The following AMOTL1 variants were observed in gnomAD, a reference collection of about 807,000 sequenced individuals.
AMOTL1 encodes angiomotin-like protein 1.
AMOTL1 carries 45 observed loss-of-function variants against 102.9 expected under a neutral mutation model. That is an observed-to-expected ratio of 0.44 (90% confidence interval 0.34 to 0.56). The LOEUF is 0.56. AMOTL1 is among the 20% of genes least tolerant of loss of function. The pLI is 0.01. For synonymous variants in AMOTL1, 481 were observed against 484.7 expected (o/e 0.99, Z 0.10); for missense variants, 1,114 against 1,225.6 (o/e 0.91, Z 1.36).
rs918540165 is a variant in AMOTL1 at position 94,821,455 on chromosome 11, C to T, written c.1122-75C>T. On this transcript the variant is annotated intron_variant, in intron 3 of 12. Transcript: ENST00000433060. ...CTGACCATGGAAGCCATCAACAGTG[C>T]CAGTATTGTTGGGGCTTCCTTCCTG... 6 of 1,461,744 alleles carry T rather than the reference C, an allele frequency of 4.1e-6. No homozygotes were observed. In the African/African-American group the frequency reaches 8.4e-5, roughly 20 times the overall value. The allele number at this position is 1,461,744 out of a possible 1,614,324, so 90.5% of individuals were successfully genotyped here.
chr11:94,809,515 C>T (rs568242494), intron 3 of AMOTL1, among the ~76,000 whole-genome samples: 25 of 152,312 alleles, frequency 1.6e-4, no homozygotes, highest in African/African-American at 4.1e-4. Flanking sequence ...ATTCCTCACA[C>T]GGGCTGTAGG....
At chr11:94,768,250 A>C, upstream of AMOTL1, 1 of 1,191,770 alleles carries the variant, frequency 8.4e-7, no homozygotes, top group Non-Finnish European at 1.0e-6. Context: ...TCTAGGGCCC[A>C]GCGGCCGGGC....
In AMOTL1 at chr11:94,870,963, A is replaced by G. The variant is rs1176914276; in HGVS notation, c.*168A>G. 2 of 526,758 alleles carry G rather than the reference A, an allele frequency of 3.8e-6. No homozygotes were observed. The highest frequency in any genetic ancestry group is 3.3e-5 in the Admixed American group (1 of 30,678). 32.6% of individuals were successfully genotyped at this position (526,758 alleles called of 1,614,324 possible). Reference sequence around the variant, plus strand: ...TATAAATGTTAAACACAAAAACTACATGACTGAAGATAGAAGAGAATGCGA... The same window carrying G: ...TATAAATGTTAAACACAAAAACTACGTGACTGAAGATAGAAGAGAATGCGA... On this transcript the variant is annotated 3_prime_UTR_variant, in exon 13 of 13. Coordinates refer to ENST00000433060, the MANE Select transcript of AMOTL1 (RefSeq NM_130847.3).
chr11:94,852,970 A>G (rs1436631982), intron 7 of AMOTL1, among the ~76,000 whole-genome samples: 1 of 152,218 alleles, frequency 6.6e-6, no homozygotes, highest in African/African-American at 2.4e-5. Flanking sequence ...TCATATAGAT[A>G]AGCATGCTTA....
At chr11:94,710,218 C>T (rs1271311118) in intron 1 of AMOTL1, among the ~76,000 whole-genome samples, 1 of 152,098 alleles carries the variant, frequency 6.6e-6, no homozygotes. Context: ...CAGGGAACTG[C>T]CCAGAGGTGC....
intron 9 of AMOTL1, 24 bp downstream of exon 9, chr11:94,859,739 G>A (rs745852728): frequency 1.9e-6 from 3 of 1,571,922 alleles, no homozygotes; most frequent in Admixed American, 1.8e-5. Context: ...AACTCTGGTG[G>A]TCATAAAAGC....
intron 3 of AMOTL1, among the ~76,000 whole-genome samples, chr11:94,815,245 G>A (rs1951745016): frequency 6.6e-6 from 1 of 152,084 alleles, no homozygotes; most frequent in South Asian, 2.1e-4. Context: ...TATAAATGTA[G>A]CACAAAAGAA....
Position 94,874,751 on chromosome 11 carries a change from A to G in AMOTL1, c.*3956A>G, listed in dbSNP as rs1392845551. ...ACCTGAGTCCCAGAGACTTAGGGAC[A>G]CAGACTTCAGGTGAGGCTGCGGACC... On this transcript the variant is annotated 3_prime_UTR_variant, in exon 13 of 13. Transcript: ENST00000433060. 1 of 152,232 alleles carries G rather than the reference A, an allele frequency of 6.6e-6. No homozygotes were observed. The highest frequency in any genetic ancestry group is 6.5e-5 in the Admixed American group (1 of 15,276). 9.4% of individuals were successfully genotyped at this position (152,232 alleles called of 1,614,324 possible). A position where few individuals can be genotyped will look rare whatever the true frequency, so the allele number is the denominator to read the frequency against.
chr11:94,778,323 G>T (rs981075066), intron 1 of AMOTL1, among the ~76,000 whole-genome samples: 1 of 152,130 alleles, frequency 6.6e-6, no homozygotes, highest in Non-Finnish European at 1.5e-5. Flanking sequence ...GCCTGATGGT[G>T]GGAAGAGGAC....
chr11:94,795,503 GT>G (rs1951350978), intron 2 of AMOTL1, among the ~76,000 whole-genome samples: 1 of 151,434 alleles, frequency 6.6e-6, no homozygotes, highest in Non-Finnish European at 1.5e-5. Flanking sequence ...CTCTGCTTTT[GT>G]TTTTATCTCT....
chr11:94,867,553 T>C (rs892058079), intron 11 of AMOTL1, among the ~76,000 whole-genome samples: 1 of 152,222 alleles, frequency 6.6e-6, no homozygotes, highest in African/African-American at 2.4e-5. Context: ...CTGTGTTCCC[T>C]GCACTGATAT....
chr11:94,805,681 C>T (rs932144305), intron 3 of AMOTL1, among the ~76,000 whole-genome samples: 3 of 152,228 alleles, frequency 2.0e-5, no homozygotes, highest in Non-Finnish European at 4.4e-5. Flanking sequence ...TTACTAGCTT[C>T]CGGGAAGTGG....
chr11:94,853,883 G>A (rs374432060), intron 7 of AMOTL1, 50 bp from the exon 8 acceptor site: 12 of 1,578,636 alleles, frequency 7.6e-6, no homozygotes, highest in Non-Finnish European at 1.0e-5. Context: ...CCCCAGCTTT[G>A]AGAATCAGTG....
At chr11:94,864,250 C>CAAT (rs143730804) in intron 9 of AMOTL1, among the ~76,000 whole-genome samples, 2,525 of 150,172 alleles carry the variant, frequency 0.017, 19 homozygotes, top group East Asian at 0.024. Flanking sequence ...CCAACAAATA[C>CAAT]AATAATAATA....
chr11:94,839,176 C>T (rs904172433), intron 6 of AMOTL1, among the ~76,000 whole-genome samples: 5 of 152,210 alleles, frequency 3.3e-5, no homozygotes, highest in Non-Finnish European at 5.9e-5. Context: ...CAAGTGTATC[C>T]TCAGGTGGAG....
At chr11:94,819,629 C>G (rs913726031) in intron 3 of AMOTL1, among the ~76,000 whole-genome samples, 1 of 152,152 alleles carries the variant, frequency 6.6e-6, no homozygotes, top group Non-Finnish European at 1.5e-5. Context: ...CAGACCAAAC[C>G]AATGTTCATC....
At position 94,768,483 on chromosome 11, in the gene AMOTL1, C is replaced by T. The variant is rs773381539; in HGVS notation, c.-29C>T. On this transcript the variant is annotated 5_prime_UTR_variant, in exon 1 of 13. Coordinates refer to ENST00000433060, the MANE Select transcript of AMOTL1 (RefSeq NM_130847.3). ...CTGCCCGGCAGCCGTCTTCCCCAGC[C>T]GAGGGACTGAACTAGCCATGATCGC... is the stretch of plus-strand genomic sequence containing the variant. 12 of 1,583,014 alleles carry T rather than the reference C, an allele frequency of 7.6e-6. No homozygotes were observed. In the South Asian group the frequency reaches 1.3e-4, roughly 17 times the overall value.
intron 10 of AMOTL1, 53 bp downstream of exon 10, chr11:94,864,913 C>G (rs1158783503): frequency 2.5e-6 from 4 of 1,573,690 alleles, no homozygotes; most frequent in African/African-American, 2.7e-5. Context: ...ACACTCCAGG[C>G]CTTCCAGAAC....
intron 1 of AMOTL1, among the ~76,000 whole-genome samples, chr11:94,722,379 A>T (rs930828300): frequency 6.6e-6 from 1 of 152,126 alleles, no homozygotes; most frequent in Admixed American, 6.6e-5. Context: ...TCTACTTCAC[A>T]TGCTAATAGT....
Sources: gnomAD v4.1 joint callset for allele counts (sites outside exome capture counted in the v4.1 genomes callset) on GRCh38, gnomAD v4.1.1 for gene constraint, MANE v1.5 for transcripts, NCBI Gene and HGNC (gene_info 2026-07-23, HGNC 2026-07-21) for gene names.